Variants in KANSL1 observed in about 807,000 individuals in gnomAD.
KANSL1 encodes MLL1/MLL complex subunit KANSL1.
In KANSL1, 22 loss-of-function variants were observed where a neutral mutation model predicts 103.6. The ratio of observed to expected loss-of-function variants is 0.21; its 90% CI spans 0.15 to 0.30. KANSL1 has a LOEUF of 0.30. Among genes scored for constraint, KANSL1 ranks in the 10% least tolerant of loss-of-function variants. The pLI is 1.00. For synonymous variants in KANSL1, 600 were observed against 527.6 expected (o/e 1.14, Z -1.88); for missense variants, 1,337 against 1,399.8 (o/e 0.96, Z 0.72).
upstream of KANSL1, among the ~76,000 whole-genome samples, chr17:46,197,306 T>C (rs2047644229): frequency 1.3e-5 from 2 of 152,244 alleles, no homozygotes; most frequent in Admixed American, 6.5e-5. Context: ...TGTTATCCTC[T>C]TATATTCCAC....
intron 2 of KANSL1, among the ~76,000 whole-genome samples, chr17:46,128,936 A>G (rs1173568271): frequency 6.6e-6 from 1 of 152,232 alleles, no homozygotes; most frequent in Non-Finnish European, 1.5e-5. Flanking sequence ...AAGGAGGCCA[A>G]CTGGGAGGCT....
intron 1 of KANSL1, among the ~76,000 whole-genome samples, chr17:46,177,923 G>A (rs1045517350): frequency 3.9e-4 from 60 of 152,236 alleles, no homozygotes; most frequent in African/African-American, 1.3e-3. Context: ...AACTACAGGC[G>A]TCCGCCACCA....
At chr17:46,120,298 G>A (rs376748577) in intron 2 of KANSL1, among the ~76,000 whole-genome samples, 1 of 152,220 alleles carries the variant, frequency 6.6e-6, no homozygotes, top group Non-Finnish European at 1.5e-5. Context: ...TTATCTGGCA[G>A]CTCCTGAAAC....
At chr17:46,041,143 T>C (rs2146382729) in intron 7 of KANSL1, 1 of 152,374 alleles carries the variant, frequency 6.6e-6, no homozygotes, top group South Asian at 2.1e-4. Context: ...AATAAACTGC[T>C]ATATAATGAC....
intron 2 of KANSL1, among the ~76,000 whole-genome samples, chr17:46,132,506 T>C (rs2043913708): frequency 6.6e-6 from 1 of 152,224 alleles, no homozygotes; most frequent in Admixed American, 6.5e-5. Flanking sequence ...TAGAAGCCCA[T>C]ACTCTAGGGC....
intron 2 of KANSL1, among the ~76,000 whole-genome samples, chr17:46,139,877 G>A (rs1177042814): frequency 6.6e-6 from 1 of 152,094 alleles, no homozygotes; most frequent in Non-Finnish European, 1.5e-5. Context: ...AAGGAGAGAG[G>A]GAAGGGAAAA....
chr17:46,171,543 A>C lies in KANSL1; in HGVS notation c.601T>G (p.Leu201Val). ...GEMGGSESGD[L>V]KGGMTNCTLP... ...GTGCAATTGGTCATACCCCCCTTCA[A>C]GTCCCCAGATTCAGATCCTCCCATT... Residue 201 changes from leucine to valine, a missense_variant, in exon 2 of 15, where the codon TTG (leucine) becomes GTG (valine). Around this residue, in one of 2 missense-constraint regions of KANSL1, gnomAD observed 557 missense variants for 476.4 expected, o/e 1.17. Transcript: ENST00000432791. 1 of 1,612,264 alleles carries C rather than the reference A, an allele frequency of 6.2e-7. No individual in the cohort carries two copies. The highest frequency in any genetic ancestry group is 1.7e-5 in the Admixed American group (1 of 59,714).
intron 2 of KANSL1, among the ~76,000 whole-genome samples, chr17:46,122,965 G>C (rs2043349822): frequency 6.6e-6 from 1 of 152,224 alleles, no homozygotes; most frequent in Non-Finnish European, 1.5e-5. Context: ...AGGCCAATTA[G>C]TAACTCCTCA....
At chr17:46,110,217 G>C (rs1029801182) in intron 2 of KANSL1, among the ~76,000 whole-genome samples, 4 of 152,210 alleles carry the variant, frequency 2.6e-5, no homozygotes, top group African/African-American at 9.7e-5. Context: ...TTTTTAACTG[G>C]TCTAATGAGA....
At chr17:46,191,109 C>G (rs1297811718) in intron 1 of KANSL1, among the ~76,000 whole-genome samples, 1 of 152,110 alleles carries the variant, frequency 6.6e-6, no homozygotes, top group South Asian at 2.1e-4. Flanking sequence ...TAGAAAAAAC[C>G]AGAAATGTAC....
chr17:46,163,194 T>C (rs1231850539), intron 2 of KANSL1, among the ~76,000 whole-genome samples: 1 of 152,256 alleles, frequency 6.6e-6, no homozygotes, highest in Admixed American at 6.5e-5. Context: ...ACAAGGATTG[T>C]ATCTTTCTTA....
At chr17:46,105,061 C>G (rs1232259689) in intron 2 of KANSL1, among the ~76,000 whole-genome samples, 1 of 152,174 alleles carries the variant, frequency 6.6e-6, no homozygotes, top group East Asian at 1.9e-4. Flanking sequence ...GATCCACCCA[C>G]CTCGGCTTCC....
intron 2 of KANSL1, among the ~76,000 whole-genome samples, chr17:46,137,557 T>A (rs1004706720): frequency 1.1e-4 from 17 of 152,230 alleles, no homozygotes; most frequent in Admixed American, 1.0e-3. Flanking sequence ...CTTAATTTGA[T>A]AATGTCACTT....
intron 1 of KANSL1, among the ~76,000 whole-genome samples, chr17:46,189,517 T>C (rs1479751345): frequency 6.6e-6 from 1 of 152,246 alleles, no homozygotes; most frequent in African/African-American, 2.4e-5. Flanking sequence ...GCATTACTCT[T>C]TAAACATGGC....
At chr17:46,079,760 T>C (rs907590190) in intron 4 of KANSL1, among the ~76,000 whole-genome samples, 4 of 152,222 alleles carry the variant, frequency 2.6e-5, no homozygotes, top group Non-Finnish European at 5.9e-5. Context: ...GCGGATTGCT[T>C]GTGCTGAGGA....
At chr17:46,042,786 G>GGAA (rs2077370197) in intron 7 of KANSL1, 1 of 140,928 alleles carries the variant, frequency 7.1e-6, no homozygotes, top group Non-Finnish European at 1.5e-5. Context: ...TCTGAGTTGG[G>GGAA]GAAAAAAAAA....
rs139566238 is a variant in KANSL1 at position 46,207,394 on chromosome 17, C to A, written c.-90+16277G>T. On this transcript the variant is annotated intron_variant, in intron 1 of 14. Coordinates refer to the KANSL1 transcript ENST00000572904. ...GCGTGGTGGTGGGTGCCTCTAATCC[C>A]AGCTACTTGGGAGGCTGAGGCAGAG... is the stretch of plus-strand genomic sequence containing the variant. 9.7e-3 allele frequency among the ~76,000 whole-genome samples: 1,469 copies of A among 151,614 alleles called. 10 individuals carry two copies. Among genetic ancestry groups the A allele is most frequent in the Middle Eastern group, 0.034 (10 of 294 alleles).
chr17:46,184,764 C>T (rs2046939970), intron 1 of KANSL1, among the ~76,000 whole-genome samples: 1 of 152,140 alleles, frequency 6.6e-6, no homozygotes, highest in African/African-American at 2.4e-5. Context: ...ACCCCCATGA[C>T]ACCCTGGCTA....
chr17:46,099,349 A>G (rs2042216164), intron 2 of KANSL1, among the ~76,000 whole-genome samples: 1 of 112,642 alleles, frequency 8.9e-6, no homozygotes, highest in Admixed American at 9.6e-5. Context: ...AAAACAAAAA[A>G]AAAACAAATA....
Sources: allele counts gnomAD v4.1 joint callset (sites outside exome capture counted in the v4.1 genomes callset), GRCh38; gene constraint gnomAD v4.1.1; regional missense constraint gnomAD v4.1.1; transcripts MANE v1.5; gene names NCBI Gene and HGNC (gene_info 2026-07-23, HGNC 2026-07-21).